The following PTPRN2 variants were observed in gnomAD, a reference collection of about 807,000 sequenced individuals.
PTPRN2 encodes protein tyrosine phosphatase receptor type N2.
In PTPRN2, 74 loss-of-function variants were observed where a neutral mutation model predicts 118.8. The observed-to-expected ratio is 0.62, with a 90% CI of 0.52 to 0.76. The LOEUF is 0.76. PTPRN2 is among the 30% of genes least tolerant of loss of function. PTPRN2 has a pLI of 0.00. For synonymous variants in PTPRN2, 641 were observed against 608.0 expected (o/e 1.05, Z -0.80); for missense variants, 1,481 against 1,394.4 (o/e 1.06, Z -0.99).
intron 3 of PTPRN2, among the ~76,000 whole-genome samples, chr7:158,246,560 A>C (rs1796263092): frequency 6.6e-6 from 1 of 151,420 alleles, no homozygotes; most frequent in African/African-American, 2.4e-5. Context: ...GTCCTTGTCC[A>C]CGGGATTTTT....
intron 10 of PTPRN2, among the ~76,000 whole-genome samples, chr7:158,097,914 C>G (rs1459670693): frequency 6.6e-6 from 1 of 152,210 alleles, no homozygotes; most frequent in East Asian, 1.9e-4. Context: ...CGCCTCTTTT[C>G]CTTTCCCGGA....
chr7:158,340,984 C>A (rs1438759068), intron 2 of PTPRN2, among the ~76,000 whole-genome samples: 37 of 80,508 alleles, frequency 4.6e-4, no homozygotes, highest in South Asian at 1.8e-3. Context: ...CTCACACCCA[C>A]ACTCTCACCA....
intron 11 of PTPRN2, among the ~76,000 whole-genome samples, chr7:158,007,843 G>A (rs115787887): frequency 0.013 from 1,892 of 147,070 alleles, 29 homozygotes; most frequent in African/African-American, 0.045. Flanking sequence ...GTGTGTGGGT[G>A]TGTGTGTGCT....
chr7:157,685,774 C>T (rs912123061), intron 12 of PTPRN2, among the ~76,000 whole-genome samples: 1 of 152,214 alleles, frequency 6.6e-6, no homozygotes, highest in Admixed American at 6.5e-5. Context: ...GCCTGGAGAG[C>T]TCCTGGCTCT....
Position 157,676,103 on chromosome 7 carries a change from CTGA to C in PTPRN2, c.2001+6619_2001+6621del, listed in dbSNP as rs1796654723. ...TTGTCCTTGTCACGAACTCAAAGAG[CTGA>C]CCTCTCTGGGCCGGCACACAACTTG... On this transcript the variant is annotated intron_variant, in intron 13 of 22. Coordinates refer to ENST00000389418, the MANE Select transcript of PTPRN2 (RefSeq NM_002847.5). This position sits in a 1 kb window ranked among gnomAD's most constrained non-coding sequence, Gnocchi z 5.6. 6.6e-6 allele frequency among the ~76,000 whole-genome samples: 1 copy of C among 152,100 alleles called. No individual in the cohort carries two copies. Among genetic ancestry groups the C allele is most frequent in the South Asian group, 2.1e-4 (1 of 4,826 alleles).
At chr7:157,943,206 T>A (rs1221252078) in intron 11 of PTPRN2, among the ~76,000 whole-genome samples, 1 of 152,068 alleles carries the variant, frequency 6.6e-6, no homozygotes, top group East Asian at 1.9e-4. Flanking sequence ...TCCTCGCACA[T>A]CTCACAGCCT....
rs183882702 is a variant in PTPRN2 at position 158,086,821 on chromosome 7, C to T, written c.1644-5444G>A. ...AATTAATTTGCAAATACAGAATCTG[C>T]GAATGAACAGGATCATCGACTGCCT... is the stretch of plus-strand genomic sequence containing the variant. On this transcript the variant is annotated intron_variant, in intron 10 of 22. Coordinates refer to ENST00000389418, the MANE Select transcript of PTPRN2 (RefSeq NM_002847.5). Among the ~76,000 whole-genome samples the T allele has an allele frequency of 5.7e-3, 870 of 152,040 alleles. 4 individuals are homozygous for T. The highest frequency in any genetic ancestry group is 8.5e-3 in the Non-Finnish European group (579 of 68,006).
At chr7:157,569,993 T>C (rs1342973979) in intron 20 of PTPRN2, among the ~76,000 whole-genome samples, 1 of 152,274 alleles carries the variant, frequency 6.6e-6, no homozygotes, top group Non-Finnish European at 1.5e-5. Context: ...TGGAATCCTA[T>C]AGGTGATCTT....
intron 2 of PTPRN2, among the ~76,000 whole-genome samples, chr7:158,480,483 T>C (rs1179355449): frequency 6.6e-6 from 1 of 152,196 alleles, no homozygotes; most frequent in Non-Finnish European, 1.5e-5. Context: ...CAGTGGCCTC[T>C]AAGTGTTCAT....
intron 3 of PTPRN2, among the ~76,000 whole-genome samples, chr7:158,274,356 A>ACAGGGGGAGCCGCAGACACAGGGGGAG (rs1798800084): frequency 5.1e-5 from 3 of 58,868 alleles, no homozygotes; most frequent in African/African-American, 2.4e-4. Flanking sequence ...AGCCACAGAC[A>ACAGGGGGAGCCGCAGACACAGGGGGAG]CAGGGGGAGC....
At position 158,444,640 on chromosome 7, in the gene PTPRN2, G is replaced by A. The variant is rs117061467; in HGVS notation, c.163+45095C>T. 1.8e-3 allele frequency among the ~76,000 whole-genome samples: 273 copies of A among 152,236 alleles called. 6 individuals are homozygous for A. The East Asian group carries it at 0.035, about 19-fold the overall frequency. On this transcript the variant is annotated intron_variant, in intron 2 of 22. Coordinates refer to ENST00000389418, the MANE Select transcript of PTPRN2 (RefSeq NM_002847.5). ...GAAAAGCAAGTGAAAGCCTCGGACCGTGCAGCTGCTCGCCAGAACGTCTCA... is the reference window on the plus strand; with the variant it reads ...GAAAAGCAAGTGAAAGCCTCGGACCATGCAGCTGCTCGCCAGAACGTCTCA...
At chr7:157,559,516 G>A (rs1247471884) in intron 21 of PTPRN2, among the ~76,000 whole-genome samples, 1 of 152,180 alleles carries the variant, frequency 6.6e-6, no homozygotes, top group Non-Finnish European at 1.5e-5. Context: ...AGACTGTGTG[G>A]GGAGGGCAGC....
intron 12 of PTPRN2, among the ~76,000 whole-genome samples, chr7:157,736,066 G>A (rs776080153): frequency 1.3e-5 from 2 of 152,200 alleles, no homozygotes; most frequent in Non-Finnish European, 1.5e-5. Flanking sequence ...ATGTGTCCTG[G>A]TCCTGCCTGG....
chr7:158,292,126 C>T lies in PTPRN2; in HGVS notation c.277+24693G>A, dbSNP rs370919625. Among the ~76,000 whole-genome samples the T allele has an allele frequency of 6.6e-5, 10 of 152,322 alleles. 1 individual carries two copies. In the South Asian group the frequency reaches 1.9e-3, roughly 28 times the overall value. ...CCCTCCTCTCCCCACCTTCCTGCTT[C>T]TTTCAGAAATGCCAGGGTTTTCTGT... On this transcript the variant is annotated intron_variant, in intron 3 of 22. Transcript: ENST00000389418.
chr7:158,143,133 C>T (rs1292737704), intron 6 of PTPRN2, among the ~76,000 whole-genome samples: 1 of 152,188 alleles, frequency 6.6e-6, no homozygotes, highest in Non-Finnish European at 1.5e-5. Flanking sequence ...TCTCGCTCGT[C>T]CACGTCCACA....
intron 2 of PTPRN2, among the ~76,000 whole-genome samples, chr7:158,337,366 CACCCACACTCTCACCATAA>C: frequency 1.9e-5 from 1 of 53,830 alleles, no homozygotes; most frequent in South Asian, 5.8e-4. Flanking sequence ...ACGTCCCTCA[CACCCACACTCTCACCATAA>C]GAGGTAACAC....
chr7:158,580,430 C>G (rs1487299700), intron 1 of PTPRN2, among the ~76,000 whole-genome samples: 1 of 152,252 alleles, frequency 6.6e-6, no homozygotes, highest in Non-Finnish European at 1.5e-5. Flanking sequence ...CAAACCATTT[C>G]TAAACATGCC....
intron 4 of PTPRN2, among the ~76,000 whole-genome samples, chr7:158,203,931 C>A (rs1374985765): frequency 1.3e-5 from 2 of 152,210 alleles, no homozygotes; most frequent in African/African-American, 2.4e-5. Flanking sequence ...CACAAAGAGG[C>A]AGCCCCTGCC....
chr7:157,700,858 C>A (rs1192683528), intron 12 of PTPRN2, among the ~76,000 whole-genome samples: 3 of 152,238 alleles, frequency 2.0e-5, no homozygotes, highest in Non-Finnish European at 4.4e-5. Flanking sequence ...CATCGAGGAA[C>A]CCTGGCTGGC....
Sources: gnomAD v4.1 joint callset for allele counts (sites outside exome capture counted in the v4.1 genomes callset) on GRCh38, gnomAD v4.1.1 for gene constraint, Gnocchi (gnomAD v3.1) non-coding constraint, MANE v1.5 for transcripts, NCBI Gene and HGNC (gene_info 2026-07-23, HGNC 2026-07-21) for gene names.